FYCO1: variants seen among roughly 807,000 people sequenced by gnomAD.
The protein encoded by FYCO1 is FYVE and coiled-coil domain-containing protein 1.
In FYCO1, 122 loss-of-function variants were observed where a neutral mutation model predicts 165.1. That is an observed-to-expected ratio of 0.74 (90% CI 0.64 to 0.86). The LOEUF is 0.86. Among genes scored for constraint, FYCO1 ranks in the 40% least tolerant of loss-of-function variants. The pLI is 0.00. For missense variants in FYCO1, 1,702 were observed against 1,810.3 expected (o/e 0.94, Z 1.09); for synonymous variants, 648 against 742.5 (o/e 0.87, Z 2.07).
At chr3:45,925,731 A>G (rs1269969559) in intron 16 of FYCO1, among the ~76,000 whole-genome samples, 2 of 152,088 alleles carry the variant, frequency 1.3e-5, no homozygotes, top group East Asian at 3.9e-4. Context: ...CTGGGGTGAG[A>G]GTACCATGAG....
chr3:45,937,113 G>C (rs1703938306), intron 14 of FYCO1, among the ~76,000 whole-genome samples: 1 of 152,194 alleles, frequency 6.6e-6, no homozygotes, highest in Admixed American at 6.5e-5. Context: ...TAGATACCCT[G>C]ACTGCAACTT....
rs767753745 is a variant in FYCO1, at chr3:45,931,238, C to A, written c.4084G>T (p.Glu1362Ter). The A allele has an allele frequency of 6.2e-7, 1 of 1,613,986 alleles. No homozygotes were observed. The highest frequency in any genetic ancestry group is 1.1e-5 in the South Asian group (1 of 91,082). The part of the protein sequence containing the change: ...LTVDEIASFG[E>*]GSRELFVRSS... ...CTCACAAACAGCTCCCTGCTACCCT[C>A]CCCGAAGCTGGCGATCTCATCCACT... Residue 1362 changes from glutamate to a stop codon, truncating the protein, a stop_gained, in exon 16 of 18, where the codon GAG (glutamate) becomes TAG (stop). Coordinates refer to ENST00000296137, the MANE Select transcript of FYCO1 (RefSeq NM_024513.4). LOFTEE classifies it high-confidence loss of function.
chr3:45,975,863 G>T (rs1278338081), intron 4 of FYCO1, among the ~76,000 whole-genome samples: 1 of 152,204 alleles, frequency 6.6e-6, no homozygotes, highest in African/African-American at 2.4e-5. Context: ...AGGGCCTAAA[G>T]GGCTTGGCAG....
chr3:45,974,038 G>C (rs1002520132), intron 5 of FYCO1, among the ~76,000 whole-genome samples: 2 of 152,150 alleles, frequency 1.3e-5, no homozygotes, highest in Non-Finnish European at 2.9e-5. Flanking sequence ...TCCAGCCTGT[G>C]TGACAGGTTA....
intron 15 of FYCO1, among the ~76,000 whole-genome samples, chr3:45,935,383 C>A (rs903929391): frequency 1.3e-5 from 2 of 152,226 alleles, no homozygotes; most frequent in African/African-American, 4.8e-5. Context: ...GATTCAAAGT[C>A]AAAGTCCTTA....
intron 14 of FYCO1, chr3:45,947,035 A>C: frequency 6.2e-7 from 1 of 1,614,194 alleles, no homozygotes. Context: ...TACCATGACG[A>C]GGCAATTTCC....
Position 45,936,472 on chromosome 3 carries a change from C to A in FYCO1, c.4016G>T (p.Cys1339Phe). 6.2e-7 allele frequency: 1 copy of A among 1,613,892 alleles called. No individual in the cohort carries two copies. Among genetic ancestry groups the A allele is most frequent in the Non-Finnish European group, 8.5e-7 (1 of 1,179,742 alleles). The change falls in exon 15 of 18, where the codon TGC becomes TTC. Residue 1339 changes from cysteine to phenylalanine, a missense_variant. Physicochemically the swap from Cys to Phe is radical, Grantham distance 205. Transcript: ENST00000296137. ...DMPVGQDSEI[C>F]LLKSGELMIK... ...CATCAGTTCTCCAGACTTCAGCAGG[C>A]AGATTTCCGAATCCTGCCCCACGGG...
intron 12 of FYCO1, among the ~76,000 whole-genome samples, chr3:45,959,154 C>A (rs375652802): frequency 9.9e-5 from 15 of 152,200 alleles, no homozygotes; most frequent in Non-Finnish European, 2.2e-4. Flanking sequence ...CCCTGCGGGG[C>A]CCCCTAACTC....
In FYCO1 at chr3:45,972,678, G is replaced by C. The variant is rs559479628; in HGVS notation, c.539+410C>G. The stretch of plus-strand genomic sequence containing the variant: ...GAAAAAAAGAAGAAACAAAAATGCA[G>C]CAACCTTTCCTGCAACCCTTATGTG... On this transcript the variant is annotated intron_variant, in intron 6 of 17. Transcript: ENST00000296137. Among the ~76,000 whole-genome samples the C allele has an allele frequency of 2.6e-4, 40 of 152,258 alleles. 1 individual carries two copies. In the South Asian group the frequency reaches 6.6e-3, roughly 25 times the overall value.
At chr3:45,959,846 T>TG (rs1197642580) in intron 11 of FYCO1, among the ~76,000 whole-genome samples, 3 of 152,162 alleles carry the variant, frequency 2.0e-5, no homozygotes. Flanking sequence ...ACAACAGTGC[T>TG]GGGGGACCAC....
At chr3:45,958,734 C>A (rs1240581044) in intron 12 of FYCO1, 115 bp from the exon 13 acceptor site, 1 of 980,540 alleles carries the variant, frequency 1.0e-6, no homozygotes, top group Non-Finnish European at 1.6e-6. Flanking sequence ...CCTGGCTCTG[C>A]CCCCAAGTTA....
chr3:45,947,494 G>T (rs1404821351), intron 14 of FYCO1: 2 of 1,613,484 alleles, frequency 1.2e-6, no homozygotes, highest in Admixed American at 3.3e-5. Context: ...GAGGCCACCA[G>T]CATGTTCCAG....
chr3:45,920,733 CTG>C lies in FYCO1; in HGVS notation c.*1030_*1031del, dbSNP rs1703062385. The C allele has an allele frequency of 6.6e-6, 1 of 152,636 alleles. No homozygotes were observed. Among genetic ancestry groups the C allele is most frequent in the African/African-American group, 2.4e-5 (1 of 41,428 alleles). 9.5% of individuals were successfully genotyped at this position (152,636 alleles called of 1,614,324 possible). ...GGGATCCATCATGCCTCTGTTTACT[CTG>C]TTACTTTGGTTCTTAAGTTATCAAA... On this transcript the variant is annotated 3_prime_UTR_variant, in exon 18 of 18. Transcript: ENST00000296137.
intron 16 of FYCO1, among the ~76,000 whole-genome samples, chr3:45,926,001 AGTTTTCAAGACACTG>A (rs1703303814): frequency 6.6e-6 from 1 of 152,240 alleles, no homozygotes; most frequent in South Asian, 2.1e-4. Flanking sequence ...ATGAAAGGAC[AGTTTTCAAGACACTG>A]GTTATCAGGC....
At chr3:45,981,245 A>G (rs1179656609) in intron 3 of FYCO1, among the ~76,000 whole-genome samples, 1 of 152,226 alleles carries the variant, frequency 6.6e-6, no homozygotes, top group Admixed American at 6.5e-5. Flanking sequence ...TATAGCTTTC[A>G]CTAAACTCCC....
In FYCO1 at chr3:45,921,654, G is replaced by A; in HGVS notation, c.*111C>T. ...CACCGCCTCTGAGGGGCAGCCCAGG[G>A]GCTGAGTTGATGATTTTGGAGCAGC... On this transcript the variant is annotated 3_prime_UTR_variant, in exon 18 of 18. Coordinates refer to ENST00000296137, the MANE Select transcript of FYCO1 (RefSeq NM_024513.4). 1 of 787,444 alleles carries A rather than the reference G, an allele frequency of 1.3e-6. No individual in the cohort carries two copies. The highest frequency in any genetic ancestry group is 1.4e-5 in the South Asian group (1 of 69,864). The allele number at this position is 787,444 out of a possible 1,614,324, so 48.8% of individuals were successfully genotyped here.
At chr3:45,947,293 T>G in intron 14 of FYCO1, 1 of 1,614,180 alleles carries the variant, frequency 6.2e-7, no homozygotes, top group Non-Finnish European at 8.5e-7. Context: ...TACACCATCA[T>G]GGTGACAGAG....
chr3:45,959,712 G>A (rs879720837), intron 11 of FYCO1, among the ~76,000 whole-genome samples, 170 bp from the exon 12 acceptor site: 5 of 152,124 alleles, frequency 3.3e-5, no homozygotes, highest in Admixed American at 2.6e-4. Context: ...CATCTCCCCC[G>A]ACATGCAGAC....
intron 16 of FYCO1, among the ~76,000 whole-genome samples, chr3:45,929,691 A>G (rs1703497565): frequency 2.0e-5 from 3 of 152,214 alleles, no homozygotes; most frequent in African/African-American, 7.2e-5. Context: ...ACAAGCCCCA[A>G]AAGAATAAGA....
Sources: allele counts gnomAD v4.1 joint callset (sites outside exome capture counted in the v4.1 genomes callset), GRCh38; gene constraint gnomAD v4.1.1; transcripts MANE v1.5; gene names NCBI Gene and HGNC (gene_info 2026-07-23, HGNC 2026-07-21).